Variants in MGME1 observed in about 807,000 individuals in gnomAD.
MGME1 encodes the protein mitochondrial genome maintenance exonuclease 1, also known as chromosome 20 open reading frame 72.
A neutral mutation model predicts 33.0 loss-of-function variants in MGME1; 22 were observed. The observed-to-expected ratio is 0.67, with a 90% confidence interval of 0.48 to 0.95. MGME1 has a LOEUF of 0.95. MGME1 is among the 40% of genes least tolerant of loss of function. The pLI, the probability that MGME1 is intolerant of heterozygous loss-of-function variation, is 0.00. For missense variants in MGME1, 383 were observed against 397.8 expected, an observed-to-expected ratio of 0.96 and a Z score of 0.32; for synonymous variants, 133 against 144.0, an observed-to-expected ratio of 0.92 and a Z score of 0.55.
At position 17,969,846 on chromosome 20, in the gene MGME1, G is replaced by A. The variant is rs780325747; in HGVS notation, c.-14G>A. On this transcript the variant is annotated 5_prime_UTR_variant, in exon 2 of 5. Transcript: ENST00000377710. Reference sequence around the variant, plus strand: ...TCGACCGTTGCAAATAGACTAAAGTGAAAACAAATCTGAATGAAGATGAAG... The same window carrying A: ...TCGACCGTTGCAAATAGACTAAAGTAAAAACAAATCTGAATGAAGATGAAG... 5.0e-6 allele frequency: 8 copies of A among 1,592,626 alleles called. No homozygotes were observed. The highest frequency in any genetic ancestry group is 1.1e-5 in the South Asian group (1 of 87,844).
chr20:17,979,677 A>G (rs536865495), intron 3 of MGME1, among the ~76,000 whole-genome samples: 1 of 151,544 alleles, frequency 6.6e-6, no homozygotes, highest in African/African-American at 2.4e-5. Context: ...CGGCCTCCCA[A>G]AGTGCTGGGA....
rs770853931 is a variant in MGME1 at position 17,969,882 on chromosome 20, C to T, written c.23C>T (p.Thr8Ile). MKMKLFQ[T>I]ICRQLRSSKF... ...TGAATGAAGATGAAGTTATTTCAGA[C>T]CATTTGCAGGCAGCTCAGGAGTTCA... Residue 8 changes from threonine (T) to isoleucine (I), a missense_variant, in exon 2 of 5, where the codon ACC (threonine) becomes ATC (isoleucine). Physicochemically the swap from Thr to Ile is moderately conservative, Grantham distance 89. Transcript: ENST00000377710. 14 of 1,610,266 alleles carry T rather than the reference C, an allele frequency of 8.7e-6. No homozygotes were observed. In the South Asian group the frequency reaches 1.4e-4, roughly 17 times the overall value.
intron 3 of MGME1, among the ~76,000 whole-genome samples, chr20:17,976,878 C>G (rs1283852560): frequency 6.6e-6 from 1 of 152,044 alleles, no homozygotes; most frequent in Non-Finnish European, 1.5e-5. Flanking sequence ...TCAGGCTGGT[C>G]TCGAACTTCG....
Position 17,990,924 on chromosome 20 carries a change from A to G in MGME1, c.*815A>G, listed in dbSNP as rs2036284421. 2 of 152,186 alleles carry G rather than the reference A, an allele frequency of 1.3e-5. No individual in the cohort carries two copies. The highest frequency in any genetic ancestry group is 4.1e-4 in the South Asian group (2 of 4,830). 9.4% of individuals were successfully genotyped at this position (152,186 alleles called of 1,614,324 possible). On this transcript the variant is annotated 3_prime_UTR_variant, in exon 5 of 5. Coordinates refer to ENST00000377710, the MANE Select transcript of MGME1 (RefSeq NM_052865.4). ...ATTAAAATCCATTTGTTTCTATTCA[A>G]TAGGTAATAAAAATTAGTTGTCCCT...
chr20:17,969,327 G>T (rs2035647017), intron 1 of MGME1, among the ~76,000 whole-genome samples, 186 bp downstream of exon 1: 1 of 152,222 alleles, frequency 6.6e-6, no homozygotes, highest in South Asian at 2.1e-4. Context: ...ACCGGCGAGC[G>T]ACGGGACCCT....
At chr20:17,976,252 T>C (rs1318358760) in intron 3 of MGME1, among the ~76,000 whole-genome samples, 2 of 152,008 alleles carry the variant, frequency 1.3e-5, no homozygotes, top group Admixed American at 6.5e-5. Context: ...GCCTCCTGAG[T>C]AGCTGGGACT....
intron 3 of MGME1, among the ~76,000 whole-genome samples, chr20:17,986,638 G>A (rs1413732353): frequency 6.6e-6 from 1 of 152,046 alleles, no homozygotes; most frequent in African/African-American, 2.4e-5. Context: ...GGAGATTACA[G>A]GTGTGAGCCA....
intron 3 of MGME1, among the ~76,000 whole-genome samples, chr20:17,987,040 C>A (rs1277819105): frequency 6.6e-6 from 1 of 151,738 alleles, no homozygotes; most frequent in Non-Finnish European, 1.5e-5. Flanking sequence ...ATTAGCTGGG[C>A]GAGGTGGCGC....
intron 3 of MGME1, among the ~76,000 whole-genome samples, chr20:17,977,932 T>A (rs952522055): frequency 6.6e-6 from 1 of 152,180 alleles, no homozygotes; most frequent in Non-Finnish European, 1.5e-5. Context: ...AGGCAAGCGA[T>A]CACTAAGAAC....
Position 17,970,212 on chromosome 20 carries a change from C to T in MGME1, c.353C>T (p.Ser118Leu). The change falls in exon 2 of 5, where the codon TCA becomes TTA. Residue 118 changes from serine (S) to leucine (L), a missense_variant. Physicochemically the swap from Ser to Leu is moderately radical, Grantham distance 145. Transcript: ENST00000377710. ...GATAAACCAAATGCAAGTGATCCTT[C>T]AGTTCCTTTGAAAATCCCCTTGCAA... ...RSDKPNASDPSVPLKIPLQRN... is the reference protein window; with the variant it reads ...RSDKPNASDPLVPLKIPLQRN... 1 of 1,614,216 alleles carries T rather than the reference C, an allele frequency of 6.2e-7. No individual in the cohort carries two copies. Among genetic ancestry groups the T allele is most frequent in the Non-Finnish European group, 8.5e-7 (1 of 1,180,036 alleles).
chr20:17,983,249 A>C (rs1253816431), intron 3 of MGME1, among the ~76,000 whole-genome samples: 4 of 129,906 alleles, frequency 3.1e-5, no homozygotes, highest in African/African-American at 1.2e-4. Flanking sequence ...TTCTTTTTAA[A>C]GGCTATGTAG....
intron 3 of MGME1, among the ~76,000 whole-genome samples, chr20:17,982,604 C>A (rs1220137000): frequency 6.6e-6 from 1 of 152,026 alleles, no homozygotes; most frequent in Non-Finnish European, 1.5e-5. Context: ...TTTAAATTAC[C>A]AAGAATATGA....
intron 2 of MGME1, among the ~76,000 whole-genome samples, chr20:17,973,001 ACTCT>A (rs1243540431): frequency 6.6e-6 from 1 of 152,014 alleles, no homozygotes; most frequent in African/African-American, 2.4e-5. Flanking sequence ...ATTTCATTTA[ACTCT>A]CCAAATAATT....
chr20:17,977,452 A>G lies in MGME1; in HGVS notation c.731+1549A>G, dbSNP rs185774822. Among the ~76,000 whole-genome samples, 764 of 152,182 alleles carry G rather than the reference A, an allele frequency of 5.0e-3. 2 individuals are homozygous for G. Among genetic ancestry groups the G allele is most frequent in the Middle Eastern group, 0.01 (3 of 294 alleles). ...AGTGCAAAGTAAAAGCAGGTTTATTAATAAAGTAAAGTAGTGGAAGTATAG... is the reference window on the plus strand; with the variant it reads ...AGTGCAAAGTAAAAGCAGGTTTATTGATAAAGTAAAGTAGTGGAAGTATAG... On this transcript the variant is annotated intron_variant, in intron 3 of 4. Transcript: ENST00000377710.
At chr20:17,988,330 G>T (rs1440047192) in intron 4 of MGME1, 32 bp downstream of exon 4, 5 of 1,603,974 alleles carry the variant, frequency 3.1e-6, no homozygotes, top group Middle Eastern at 1.7e-4. Context: ...TTAAAGCTTT[G>T]CTCAATGCTT....
At chr20:17,987,565 C>A (rs760948357) in intron 3 of MGME1, among the ~76,000 whole-genome samples, 2 of 148,526 alleles carry the variant, frequency 1.3e-5, no homozygotes, top group Non-Finnish European at 3.0e-5. Context: ...TTTTTTTTTT[C>A]TTTTCCGATG....
chr20:17,974,061 G>GTTTTTTTTTTT (rs34206000), intron 2 of MGME1, among the ~76,000 whole-genome samples: 14 of 85,494 alleles, frequency 1.6e-4, no homozygotes, highest in Admixed American at 4.3e-4. Flanking sequence ...CTCTTTGTGT[G>GTTTTTTTTTTT]TTTTTTTTTT....
intron 1 of MGME1, among the ~76,000 whole-genome samples, 167 bp downstream of exon 1, chr20:17,969,308 C>T (rs900602552): frequency 2.0e-5 from 3 of 152,250 alleles, no homozygotes; most frequent in Admixed American, 2.0e-4. Context: ...AGCGCCGCCA[C>T]CAGCTCTGAC....
intron 3 of MGME1, among the ~76,000 whole-genome samples, chr20:17,982,586 G>A (rs994873575): frequency 9.2e-5 from 14 of 152,166 alleles, no homozygotes; most frequent in African/African-American, 3.4e-4. Flanking sequence ...TGGGTCAAGG[G>A]TATGCATTTT....
Sources: gnomAD v4.1 joint callset for allele counts (sites outside exome capture counted in the v4.1 genomes callset) on GRCh38, gnomAD v4.1.1 for gene constraint, MANE v1.5 for transcripts, NCBI Gene and HGNC (gene_info 2026-07-23, HGNC 2026-07-21) for gene names.